Variants in NEGR1 observed in about 807,000 individuals in gnomAD.
NEGR1 encodes the protein neuronal growth regulator 1.
In NEGR1, 10 loss-of-function variants were observed where a neutral mutation model predicts 40.9. That is an observed-to-expected ratio of 0.24 (90% confidence interval 0.15 to 0.42). The LOEUF (loss-of-function observed/expected upper bound fraction) is 0.42, where lower values mean the gene tolerates loss of function less well. Ranked by LOEUF, NEGR1 falls within the 10% of genes least tolerant of loss-of-function variation. The pLI, the probability that NEGR1 is intolerant of heterozygous loss-of-function variation, is 1.00. For synonymous variants in NEGR1, 185 were observed against 166.8 expected, an observed-to-expected ratio of 1.11 and a Z score of -0.84; for missense variants, 352 against 438.9, an observed-to-expected ratio of 0.80 and a Z score of 1.77.
rs869043335 is a variant in NEGR1 at position 71,756,407 on chromosome 1, C to CAAAAAAAAA, written c.535+19764_535+19765insTTTTTTTTT. Among the ~76,000 whole-genome samples, 18 of 45,720 alleles carry CAAAAAAAAA rather than the reference C, an allele frequency of 3.9e-4. No homozygotes were observed. The East Asian group carries it at 6.9e-3, about 18-fold the overall frequency. 30.0% of individuals were successfully genotyped at this position (45,720 alleles called of 152,430 possible). A position where few individuals can be genotyped will look rare whatever the true frequency, so the allele number is the denominator to read the frequency against. ...GCCTCAAAAAAACAAAAAACAAAAA[C>CAAAAAAAAA]AAACAAAAAAAAAAAACCAAAAAAA... is the stretch of plus-strand genomic sequence containing the variant. On this transcript the variant is annotated intron_variant, in intron 3 of 6. Transcript: ENST00000357731.
At chr1:72,104,543 C>A (rs144303315) in intron 1 of NEGR1, among the ~76,000 whole-genome samples, 36 of 152,128 alleles carry the variant, frequency 2.4e-4, no homozygotes, top group African/African-American at 8.4e-4. Flanking sequence ...GCCCTTTGAG[C>A]CTGATTTTGA....
At chr1:72,138,925 G>A (rs985161048) in intron 1 of NEGR1, among the ~76,000 whole-genome samples, 1 of 151,874 alleles carries the variant, frequency 6.6e-6, no homozygotes, top group East Asian at 1.9e-4. Flanking sequence ...CATGAATTAT[G>A]TATAAAGATA....
intron 1 of NEGR1, chr1:72,100,947 A>G (rs1557526697): frequency 6.6e-6 from 1 of 152,236 alleles, no homozygotes; most frequent in Non-Finnish European, 1.5e-5. Flanking sequence ...TTCATGTGCA[A>G]GTGAGCTCCA....
chr1:71,559,871 A>G (rs1382805441), intron 6 of NEGR1, among the ~76,000 whole-genome samples: 3 of 151,212 alleles, frequency 2.0e-5, no homozygotes, highest in Non-Finnish European at 3.0e-5. Context: ...TCCAAATGCT[A>G]TGCGTATTTC....
At chr1:72,267,807 T>C (rs1217192609) in intron 1 of NEGR1, among the ~76,000 whole-genome samples, 1 of 151,176 alleles carries the variant, frequency 6.6e-6, no homozygotes, top group Non-Finnish European at 1.5e-5. Context: ...AAAAGCGTAG[T>C]ATAGTAGGAG....
intron 2 of NEGR1, among the ~76,000 whole-genome samples, chr1:71,803,264 C>T (rs1436263611): frequency 6.6e-6 from 1 of 152,080 alleles, no homozygotes; most frequent in East Asian, 1.9e-4. Context: ...TGTGAGGACA[C>T]AACCAGAATG....
intron 4 of NEGR1, among the ~76,000 whole-genome samples, chr1:71,670,154 T>C (rs1652371697): frequency 6.6e-6 from 1 of 152,220 alleles, no homozygotes. Flanking sequence ...ATGAATTATC[T>C]TGGCTTTGCT....
At chr1:71,759,632 C>T (rs1392634578) in intron 3 of NEGR1, among the ~76,000 whole-genome samples, 17 of 33,146 alleles carry the variant, frequency 5.1e-4, no homozygotes, top group Admixed American at 3.0e-3. Context: ...TTTTTTGAGA[C>T]GGAGTCCCAC....
chr1:72,139,582 C>T (rs1382861176), intron 1 of NEGR1, among the ~76,000 whole-genome samples: 2 of 152,002 alleles, frequency 1.3e-5, no homozygotes, highest in African/African-American at 4.8e-5. Context: ...TGAAAGCACA[C>T]TCATAGGCAG....
At chr1:71,418,321 A>G (rs1034445988) in intron 6 of NEGR1, among the ~76,000 whole-genome samples, 8 of 150,924 alleles carry the variant, frequency 5.3e-5, no homozygotes, top group African/African-American at 1.7e-4. Flanking sequence ...TTTATTATAT[A>G]TATATTTTTT....
chr1:72,018,133 C>T (rs560187507), intron 1 of NEGR1, among the ~76,000 whole-genome samples: 138 of 152,120 alleles, frequency 9.1e-4, no homozygotes, highest in South Asian at 8.7e-3. Flanking sequence ...GAATTACATA[C>T]GGTCAATATC....
At chr1:71,882,153 A>T (rs1173227321) in intron 2 of NEGR1, among the ~76,000 whole-genome samples, 1 of 152,098 alleles carries the variant, frequency 6.6e-6, no homozygotes, top group Non-Finnish European at 1.5e-5. Flanking sequence ...ATGGACTGTC[A>T]TCTAAATAAA....
At chr1:72,251,703 T>G (rs1031467749) in intron 1 of NEGR1, among the ~76,000 whole-genome samples, 4 of 152,200 alleles carry the variant, frequency 2.6e-5, no homozygotes, top group African/African-American at 9.6e-5. Flanking sequence ...ACATAATCAT[T>G]GTTTTTTTTC....
intron 3 of NEGR1, among the ~76,000 whole-genome samples, chr1:71,702,243 G>T (rs922606019): frequency 6.6e-6 from 1 of 151,762 alleles, no homozygotes; most frequent in Admixed American, 6.6e-5. Context: ...GATATTACTC[G>T]TGACAAGATC....
chr1:71,791,342 G>T (rs1472399490), intron 2 of NEGR1, among the ~76,000 whole-genome samples: 1 of 151,712 alleles, frequency 6.6e-6, no homozygotes, highest in Non-Finnish European at 1.5e-5. Context: ...GTTATCTTGG[G>T]TTACTTACAT....
At chr1:71,735,553 G>T (rs1655018128) in intron 3 of NEGR1, among the ~76,000 whole-genome samples, 1 of 151,792 alleles carries the variant, frequency 6.6e-6, no homozygotes, top group East Asian at 1.9e-4. Context: ...TAGGAGCATA[G>T]TACAATTACA....
chr1:72,233,416 C>G (rs1654442883), intron 1 of NEGR1, among the ~76,000 whole-genome samples: 1 of 152,056 alleles, frequency 6.6e-6, no homozygotes, highest in Non-Finnish European at 1.5e-5. Flanking sequence ...GCATAGTACA[C>G]AATAGGAAGT....
chr1:71,918,034 G>T (rs1380242312), intron 2 of NEGR1, among the ~76,000 whole-genome samples: 1 of 149,946 alleles, frequency 6.7e-6, no homozygotes, highest in Non-Finnish European at 1.5e-5. Context: ...TATCTAACAT[G>T]GTGAAACCCC....
intron 6 of NEGR1, chr1:71,477,287 C>T (rs1357401449): frequency 2.6e-5 from 4 of 152,072 alleles, no homozygotes; most frequent in Non-Finnish European, 4.4e-5. Flanking sequence ...GGAAATCCAC[C>T]TTTATGGCAG....
Sources: gnomAD v4.1 joint callset for allele counts (sites outside exome capture counted in the v4.1 genomes callset) on GRCh38, gnomAD v4.1.1 for gene constraint, MANE v1.5 for transcripts, NCBI Gene and HGNC (gene_info 2026-07-23, HGNC 2026-07-21) for gene names.